Variants in NHS observed in about 807,000 individuals in gnomAD.
NHS encodes NHS actin remodeling regulator.
A neutral mutation model predicts 72.5 loss-of-function variants in NHS; 5 were observed. That is an observed-to-expected ratio of 0.07 (90% CI 0.04 to 0.14). The LOEUF (loss-of-function observed/expected upper bound fraction) is 0.14. Ranked by LOEUF, NHS falls within the 10% of genes least tolerant of loss-of-function variation. NHS has a pLI of 1.00. For synonymous variants in NHS, 464 were observed against 547.7 expected, an observed-to-expected ratio of 0.85 and a Z score of 2.13; for missense variants, 1,072 against 1,355.7, an observed-to-expected ratio of 0.79 and a Z score of 3.29.
chrX:17,424,545 G>T (rs1368693669), intron 1 of NHS, among the ~76,000 whole-genome samples: 1 of 111,871 alleles, frequency 8.9e-6, no homozygotes, highest in East Asian at 2.8e-4. Flanking sequence ...CTCTTGCCCC[G>T]GTGGCTTCTT....
At chrX:17,454,407 C>A (rs1012286730) in intron 1 of NHS, among the ~76,000 whole-genome samples, 1 of 111,894 alleles carries the variant, frequency 8.9e-6, no homozygotes, top group Non-Finnish European at 1.9e-5. Context: ...TTCACATAGG[C>A]TACTTCTGAG....
At position 17,629,475 on chromosome X, in the gene NHS, A is replaced by T. The variant is rs1303525065; in HGVS notation, c.566-58267A>T. 2.7e-5 allele frequency among the ~76,000 whole-genome samples: 3 copies of T among 110,155 alleles called. No individual in the cohort carries two copies. In the Admixed American group the frequency reaches 2.9e-4, roughly 11 times the overall value. On this transcript the variant is annotated intron_variant, in intron 1 of 8. Coordinates refer to ENST00000676302, the MANE Select transcript of NHS (RefSeq NM_001291867.2). ...TATAGTGGTATGGAGTACTATGTAA[A>T]CTCTTCTTGGTTAATCTCCTGATGA...
chrX:17,465,722 T>G (rs2064868168), intron 1 of NHS, among the ~76,000 whole-genome samples: 1 of 112,183 alleles, frequency 8.9e-6, no homozygotes, highest in East Asian at 2.8e-4. Context: ...GTTTTATACT[T>G]TTGTGTGTGG....
chrX:17,417,381 A>G (rs2064602070), intron 1 of NHS, among the ~76,000 whole-genome samples: 1 of 112,083 alleles, frequency 8.9e-6, no homozygotes, highest in African/African-American at 3.2e-5. Context: ...TAAATAGTGA[A>G]CATTCAGTAA....
chrX:17,719,018 G>A (rs2147135912), intron 3 of NHS, among the ~76,000 whole-genome samples: 1 of 87,708 alleles, frequency 1.1e-5, no homozygotes, highest in Non-Finnish European at 2.2e-5. Flanking sequence ...AAGAAAGGAA[G>A]GAAGAAAAAA....
At chrX:17,708,775 CTT>C (rs2066310917) in intron 3 of NHS, among the ~76,000 whole-genome samples, 1 of 110,997 alleles carries the variant, frequency 9.0e-6, no homozygotes, top group African/African-American at 3.3e-5. Flanking sequence ...AGTTCAAATA[CTT>C]TGCTTTGGCT....
intron 1 of NHS, among the ~76,000 whole-genome samples, chrX:17,624,889 C>A (rs1158854264): frequency 8.9e-6 from 1 of 112,085 alleles, no homozygotes; most frequent in African/African-American, 3.2e-5. Context: ...TACCAAGCCC[C>A]TCTAGAACAG....
In NHS at chrX:17,571,964, A is replaced by G. The variant is rs138374264; in HGVS notation, c.566-115778A>G. 2.0e-3 allele frequency among the ~76,000 whole-genome samples: 219 copies of G among 112,010 alleles called. 1 individual carries two copies. Among genetic ancestry groups the G allele is most frequent in the Non-Finnish European group, 2.1e-3 (112 of 53,212 alleles). On this transcript the variant is annotated intron_variant, in intron 1 of 8. Coordinates refer to ENST00000676302, the MANE Select transcript of NHS (RefSeq NM_001291867.2). ...GGAGCAGGTTGTTCAGTTTCCATGT[A>G]GTTGTGTAGTTTTGAGTGAGTTTCT...
At chrX:17,553,779 G>A (rs933130173) in intron 1 of NHS, among the ~76,000 whole-genome samples, 2 of 111,262 alleles carry the variant, frequency 1.8e-5, no homozygotes, top group South Asian at 7.7e-4. Context: ...GTAGGGGGGC[G>A]GTGCTTGGGA....
intron 1 of NHS, among the ~76,000 whole-genome samples, chrX:17,563,405 C>T (rs988388583): frequency 1.8e-5 from 2 of 112,431 alleles, no homozygotes; most frequent in African/African-American, 6.5e-5. Context: ...TGGAGGTGGG[C>T]GAAGCACCAA....
intron 1 of NHS, among the ~76,000 whole-genome samples, chrX:17,603,533 T>C (rs1033638284): frequency 2.7e-5 from 3 of 110,661 alleles, no homozygotes; most frequent in African/African-American, 9.9e-5. Context: ...AGGAATTTGC[T>C]TTTTTTTTCT....
chrX:17,587,310 T>C (rs2065580735), intron 1 of NHS: 1 of 112,082 alleles, frequency 8.9e-6, no homozygotes. Context: ...GTTCCTTCCC[T>C]TCCTCACCAG....
At chrX:17,570,620 G>A (rs1178436356) in intron 1 of NHS, among the ~76,000 whole-genome samples, 4 of 111,868 alleles carry the variant, frequency 3.6e-5, no homozygotes, top group Non-Finnish European at 7.5e-5. Flanking sequence ...TGCAAACAGA[G>A]ACAATCTGAC....
At chrX:17,497,786 C>T (rs1403659060) in intron 1 of NHS, among the ~76,000 whole-genome samples, 1 of 111,989 alleles carries the variant, frequency 8.9e-6, no homozygotes, top group East Asian at 2.8e-4. Context: ...TCTTTAACTG[C>T]CCTGAGGAAT....
intron 1 of NHS, among the ~76,000 whole-genome samples, chrX:17,590,406 A>C (rs918971783): frequency 8.9e-6 from 1 of 112,225 alleles, no homozygotes; most frequent in African/African-American, 3.2e-5. Context: ...TAAATGAATT[A>C]AGCTCCATTC....
intron 1 of NHS, among the ~76,000 whole-genome samples, chrX:17,584,041 G>A (rs1312008189): frequency 9.0e-6 from 1 of 111,638 alleles, no homozygotes; most frequent in Non-Finnish European, 1.9e-5. Flanking sequence ...TGATCGAAGT[G>A]GATAATTTGT....
intron 1 of NHS, among the ~76,000 whole-genome samples, chrX:17,429,911 C>T (rs1222017493): frequency 9.0e-6 from 1 of 111,631 alleles, no homozygotes; most frequent in Non-Finnish European, 1.9e-5. Context: ...GGCCCAGTCT[C>T]CTCCTTCCAT....
rs770742550 is a variant in NHS at position 17,376,220 on chromosome X, A to G, written c.463A>G (p.Ser155Gly). 8.4e-6 allele frequency: 10 copies of G among 1,183,918 alleles called. No individual in the cohort carries two copies. Among genetic ancestry groups the G allele is most frequent in the Non-Finnish European group, 1.1e-5 (10 of 887,251 alleles). Reference protein sequence around the residue: ...HACSLFQELESDIQLTHRRVW... With the variant: ...HACSLFQELEGDIQLTHRRVW... ...TTGCAGCCTCTTCCAGGAGCTCGAG[A>G]GCGACATCCAGCTCACCCACCGCCG... is the stretch of plus-strand genomic sequence containing the variant. The change falls in exon 1 of 9, where the codon AGC (serine) becomes GGC (glycine). Residue 155 changes from serine to glycine, a missense_variant. Physicochemically the swap from Ser to Gly is moderately conservative, Grantham distance 56. Coordinates refer to ENST00000676302, the MANE Select transcript of NHS (RefSeq NM_001291867.2).
intron 1 of NHS, among the ~76,000 whole-genome samples, chrX:17,653,361 T>C (rs2065939056): frequency 9.0e-6 from 1 of 111,115 alleles, no homozygotes; most frequent in African/African-American, 3.3e-5. Context: ...CTGGAGGAGC[T>C]AGGATTCAAA....
Sources: gnomAD v4.1 joint callset for allele counts (sites outside exome capture counted in the v4.1 genomes callset) on GRCh38, gnomAD v4.1.1 for gene constraint, MANE v1.5 for transcripts, NCBI Gene and HGNC (gene_info 2026-07-23, HGNC 2026-07-21) for gene names.